Variants in MOB4 observed in about 807,000 individuals in gnomAD.
MOB4 encodes MOB family member 4, phocein, also known as MOB-like protein phocein.
Under a neutral mutation model 32.2 loss-of-function variants are expected in MOB4, and 4 were observed. The ratio of observed to expected loss-of-function variants is 0.12; its 90% CI spans 0.06 to 0.28. The LOEUF is 0.28. MOB4 is among the 10% of genes least tolerant of loss of function. MOB4 has a pLI of 1.00. For missense variants in MOB4, 158 were observed against 271.2 expected (o/e 0.58, Z 2.93); for synonymous variants, 88 against 88.1 (o/e 1.00, Z 0.01).
In MOB4 at chr2:197,552,950, A is replaced by G. The variant is rs1412290634; in HGVS notation, c.*2304A>G. On this transcript the variant is annotated 3_prime_UTR_variant, in exon 8 of 8. Coordinates refer to ENST00000323303, the MANE Select transcript of MOB4 (RefSeq NM_015387.5). ...TTTCTTTCCAAAAGATCGTATAGTC[A>G]ATTCATTCTTTTTCTCCTATCACAT... 1 of 152,190 alleles carries G rather than the reference A, an allele frequency of 6.6e-6. No individual in the cohort carries two copies. The highest frequency in any genetic ancestry group is 1.5e-5 in the Non-Finnish European group (1 of 68,030). The allele number at this position is 152,190 out of a possible 1,614,324, so 9.4% of individuals were successfully genotyped here. A position where few individuals can be genotyped will look rare whatever the true frequency, so the allele number is the denominator to read the frequency against.
chr2:197,535,092 G>A (rs938667596), intron 2 of MOB4, among the ~76,000 whole-genome samples: 5 of 152,062 alleles, frequency 3.3e-5, no homozygotes, highest in Non-Finnish European at 7.4e-5. Flanking sequence ...GCGTGATGGC[G>A]TGTGCCTGTA....
intron 3 of MOB4, 132 bp from the exon 4 acceptor site, chr2:197,539,979 G>A (rs910587143): frequency 1.5e-5 from 13 of 887,684 alleles, no homozygotes; most frequent in Admixed American, 3.4e-5. Flanking sequence ...GTCATTGTCA[G>A]TTTAGGTGGT....
intron 6 of MOB4, among the ~76,000 whole-genome samples, chr2:197,549,572 T>C (rs894640090): frequency 2.6e-5 from 4 of 152,104 alleles, no homozygotes; most frequent in South Asian, 4.1e-4. Context: ...TTTCTTTTTC[T>C]ATATGGAGTC....
chr2:197,537,181 G>A (rs964559108), intron 3 of MOB4, among the ~76,000 whole-genome samples: 5 of 152,122 alleles, frequency 3.3e-5, no homozygotes, highest in African/African-American at 1.2e-4. Flanking sequence ...AAGGAGTTTT[G>A]GTGCTTTTTA....
intron 5 of MOB4, among the ~76,000 whole-genome samples, chr2:197,541,477 A>T (rs1225255829): frequency 6.6e-6 from 1 of 152,234 alleles, no homozygotes; most frequent in Non-Finnish European, 1.5e-5. Context: ...CCCTAGTTGC[A>T]AAATCAATAT....
chr2:197,516,305 T>G, intron 1 of MOB4, 159 bp downstream of exon 1: 25 of 1,405,018 alleles, frequency 1.8e-5, no homozygotes, highest in Middle Eastern at 2.7e-4. Context: ...CCCCTCAATT[T>G]GGCTGAGGCG....
In MOB4 at chr2:197,536,636, C is replaced by G. The variant is rs1165494168; in HGVS notation, c.224+1006C>G. On this transcript the variant is annotated intron_variant, in intron 3 of 7. Coordinates refer to ENST00000323303, the MANE Select transcript of MOB4 (RefSeq NM_015387.5). Reference sequence around the variant, plus strand: ...TTTTTTTTTGAGACAGAGTCTTGCTCTGTTGCCTAGGCTGGAGTGCAGTGG... The same window carrying G: ...TTTTTTTTTGAGACAGAGTCTTGCTGTGTTGCCTAGGCTGGAGTGCAGTGG... Among the ~76,000 whole-genome samples, 3 of 107,942 alleles carry G rather than the reference C, an allele frequency of 2.8e-5. No homozygotes were observed. In the East Asian group the frequency reaches 9.0e-4, roughly 32 times the overall value. 70.8% of individuals were successfully genotyped at this position (107,942 alleles called of 152,430 possible). A position where few individuals can be genotyped will look rare whatever the true frequency, so the allele number is the denominator to read the frequency against.
chr2:197,531,425 C>G (rs144087464), intron 2 of MOB4, among the ~76,000 whole-genome samples: 1 of 152,144 alleles, frequency 6.6e-6, no homozygotes, highest in African/African-American at 2.4e-5. Context: ...GTGTCCAGAA[C>G]TTTTTCATCT....
chr2:197,516,496 T>A, intron 1 of MOB4: 1 of 848,050 alleles, frequency 1.2e-6, no homozygotes, highest in Non-Finnish European at 1.7e-6. Flanking sequence ...GCGACCAGCC[T>A]GGTGGAGACC....
At chr2:197,518,994 G>T (rs910040157) in intron 1 of MOB4, among the ~76,000 whole-genome samples, 5 of 151,902 alleles carry the variant, frequency 3.3e-5, no homozygotes, top group African/African-American at 7.3e-5. Context: ...TCCTGATCTC[G>T]TGATCCGCCC....
intron 2 of MOB4, among the ~76,000 whole-genome samples, chr2:197,526,552 G>C (rs368995002): frequency 6.6e-6 from 1 of 152,132 alleles, no homozygotes; most frequent in South Asian, 2.1e-4. Context: ...TCCAGACCTC[G>C]TGATCTACCT....
chr2:197,549,703 C>T (rs911704590), intron 6 of MOB4, among the ~76,000 whole-genome samples: 11 of 152,000 alleles, frequency 7.2e-5, no homozygotes, highest in African/African-American at 2.7e-4. Context: ...GTGCCTGCCA[C>T]CACGCCTGGC....
In MOB4 at chr2:197,543,579, A is replaced by G. The variant is rs933974656; in HGVS notation, c.354+3142A>G. 6.6e-5 allele frequency among the ~76,000 whole-genome samples: 10 copies of G among 152,304 alleles called. No homozygotes were observed. The East Asian group carries it at 1.5e-3, about 24-fold the overall frequency. ...CACAGATGAACCTTTAAAATCCAGTATGTATTATGTGGAGTGAAACAAGTC... is the reference window on the plus strand; with the variant it reads ...CACAGATGAACCTTTAAAATCCAGTGTGTATTATGTGGAGTGAAACAAGTC... On this transcript the variant is annotated intron_variant, in intron 5 of 7. Transcript: ENST00000323303.
chr2:197,536,343 A>G (rs1268720379), intron 3 of MOB4, among the ~76,000 whole-genome samples: 1 of 151,872 alleles, frequency 6.6e-6, no homozygotes, highest in Non-Finnish European at 1.5e-5. Context: ...AGCTGGGACT[A>G]CTAGTGCATG....
rs565266785 is a variant in MOB4, at chr2:197,534,683, C to T, written c.124-847C>T. 2.0e-5 allele frequency among the ~76,000 whole-genome samples: 3 copies of T among 152,264 alleles called. No homozygotes were observed. In the East Asian group the frequency reaches 5.8e-4, roughly 29 times the overall value. On this transcript the variant is annotated intron_variant, in intron 2 of 7. Transcript: ENST00000323303. ...TCAGCCTCCAGAGTAGCTGGGACTA[C>T]AGGTGTGTGCCACCACGCCTGGCTA... is the stretch of plus-strand genomic sequence containing the variant.
chr2:197,520,136 A>G (rs1423955197), intron 1 of MOB4, among the ~76,000 whole-genome samples: 1 of 151,328 alleles, frequency 6.6e-6, no homozygotes, highest in Non-Finnish European at 1.5e-5. Flanking sequence ...TTTTCTGTAT[A>G]CTTTTACTAT....
At chr2:197,518,210 A>G (rs2086449646) in intron 1 of MOB4, among the ~76,000 whole-genome samples, 1 of 152,024 alleles carries the variant, frequency 6.6e-6, no homozygotes, top group African/African-American at 2.4e-5. Context: ...AAAGTTGGTT[A>G]GACTGGAATA....
chr2:197,550,501 C>G lies in MOB4; in HGVS notation c.547-14C>G, dbSNP rs2087079373. 1.9e-6 allele frequency: 3 copies of G among 1,581,912 alleles called. No individual in the cohort carries two copies. Among genetic ancestry groups the G allele is most frequent in the South Asian group, 1.2e-5 (1 of 85,350 alleles). On this transcript the variant is annotated splice_polypyrimidine_tract_variant and intron_variant, in intron 7 of 7. Transcript: ENST00000323303. The stretch of plus-strand genomic sequence containing the variant: ...TAGTGAATTAAAATAACATTTTTGT[C>G]TTCCTCTCTACAGAATGAAACATTT...
At chr2:197,521,035 A>G (rs1267198119) in intron 1 of MOB4, among the ~76,000 whole-genome samples, 3 of 151,780 alleles carry the variant, frequency 2.0e-5, no homozygotes. Context: ...TACATGAGAT[A>G]TTTTGATACA....
Sources: allele counts gnomAD v4.1 joint callset (sites outside exome capture counted in the v4.1 genomes callset), GRCh38; gene constraint gnomAD v4.1.1; transcripts MANE v1.5; gene names NCBI Gene and HGNC (gene_info 2026-07-23, HGNC 2026-07-21).